ZBTB20: variants seen among roughly 807,000 people sequenced by gnomAD.
ZBTB20 encodes zinc finger and BTB domain containing 20, also known as zinc finger and BTB domain-containing protein 20.
ZBTB20 carries 9 observed loss-of-function variants against 56.9 expected under a neutral mutation model. That is an observed-to-expected ratio of 0.16 (90% CI 0.10 to 0.28). The LOEUF (loss-of-function observed/expected upper bound fraction) is 0.28. Among genes scored for constraint, ZBTB20 ranks in the 10% least tolerant of loss-of-function variants. ZBTB20 has a pLI of 1.00. For synonymous variants in ZBTB20, 417 were observed against 420.7 expected (o/e 0.99, Z 0.11); for missense variants, 655 against 1,003.0 (o/e 0.65, Z 4.69).
chr3:114,690,195 A>G (rs2062615864), intron 6 of ZBTB20, among the ~76,000 whole-genome samples: 1 of 151,794 alleles, frequency 6.6e-6, no homozygotes, highest in Admixed American at 6.6e-5. Context: ...AAACCCTCAT[A>G]TTTTTCTAGA....
At chr3:115,033,583 T>C (rs960719014) in intron 2 of ZBTB20, among the ~76,000 whole-genome samples, 1 of 151,722 alleles carries the variant, frequency 6.6e-6, no homozygotes, top group South Asian at 2.1e-4. Flanking sequence ...TTATATTTGT[T>C]GCAGCACTGT....
chr3:115,137,111 C>G (rs1389011900), intron 1 of ZBTB20, among the ~76,000 whole-genome samples: 1 of 151,958 alleles, frequency 6.6e-6, no homozygotes, highest in Admixed American at 6.6e-5. Context: ...GATTATTATA[C>G]TATACTTCTT....
chr3:115,123,585 G>C (rs2084242011), intron 1 of ZBTB20, among the ~76,000 whole-genome samples: 1 of 152,166 alleles, frequency 6.6e-6, no homozygotes, highest in Admixed American at 6.6e-5. Flanking sequence ...CACCTGAGAA[G>C]AGAAAATGGC....
rs1303359704 is a variant in ZBTB20 at position 114,335,014 on chromosome 3, A to T, written c.*3991T>A. Reference sequence around the variant, plus strand: ...GGGCCTTTTTTGTACAAATATTGGCATGTAATAAGGAAAAATTGCCCATGA... The same window carrying T: ...GGGCCTTTTTTGTACAAATATTGGCTTGTAATAAGGAAAAATTGCCCATGA... On this transcript the variant is annotated 3_prime_UTR_variant, in exon 12 of 12. Transcript: ENST00000675478. The T allele has an allele frequency of 6.6e-6, 1 of 152,100 alleles. No homozygotes were observed. The highest frequency in any genetic ancestry group is 1.9e-4 in the East Asian group (1 of 5,190). 9.4% of individuals were successfully genotyped at this position (152,100 alleles called of 1,614,324 possible). A position where few individuals can be genotyped will look rare whatever the true frequency, so the allele number is the denominator to read the frequency against.
chr3:114,579,002 T>C (rs2054373096), intron 6 of ZBTB20, among the ~76,000 whole-genome samples: 2 of 151,828 alleles, frequency 1.3e-5, no homozygotes, highest in Admixed American at 6.5e-5. Context: ...ACTTAATAGG[T>C]AATTAAAAGA....
intron 3 of ZBTB20, among the ~76,000 whole-genome samples, chr3:114,952,127 A>C (rs915951128): frequency 6.6e-6 from 1 of 152,094 alleles, no homozygotes; most frequent in South Asian, 2.1e-4. Context: ...GAGAAGAAAG[A>C]GTGTGCTATG....
chr3:114,370,772 T>A (rs1032696602), intron 10 of ZBTB20, among the ~76,000 whole-genome samples: 1 of 152,212 alleles, frequency 6.6e-6, no homozygotes, highest in Non-Finnish European at 1.5e-5. Context: ...GTGTTAGTTG[T>A]CTCCACTGGG....
At chr3:114,450,690 A>C (rs566750437) in intron 7 of ZBTB20, among the ~76,000 whole-genome samples, 1 of 152,170 alleles carries the variant, frequency 6.6e-6, no homozygotes, top group Admixed American at 6.6e-5. Flanking sequence ...TATGTAGATA[A>C]GAATAATGTG....
At chr3:114,771,618 T>C (rs561934819) in intron 5 of ZBTB20, among the ~76,000 whole-genome samples, 2 of 152,326 alleles carry the variant, frequency 1.3e-5, no homozygotes, top group Middle Eastern at 3.4e-3. Flanking sequence ...GAAATTATAA[T>C]CTAGTGGATT....
chr3:114,724,102 T>C (rs1234696093), intron 5 of ZBTB20, among the ~76,000 whole-genome samples: 1 of 151,988 alleles, frequency 6.6e-6, no homozygotes, highest in Non-Finnish European at 1.5e-5. Flanking sequence ...CTCGATCTCC[T>C]GACCTCATGA....
At chr3:114,943,899 G>T (rs912712858) in intron 3 of ZBTB20, among the ~76,000 whole-genome samples, 1 of 82,266 alleles carries the variant, frequency 1.2e-5, no homozygotes, top group African/African-American at 5.9e-5. Flanking sequence ...TAAACACAAA[G>T]AAACCAACTA....
chr3:114,810,970 A>G (rs2072477179), intron 4 of ZBTB20, among the ~76,000 whole-genome samples: 2 of 152,314 alleles, frequency 1.3e-5, no homozygotes, highest in East Asian at 3.9e-4. Flanking sequence ...TAAGGTTACC[A>G]AAATTCTCCC....
chr3:114,685,463 C>T (rs1029055905), intron 6 of ZBTB20, among the ~76,000 whole-genome samples: 38 of 152,176 alleles, frequency 2.5e-4, no homozygotes, highest in Non-Finnish European at 5.9e-5. Flanking sequence ...GTGAAGCAGC[C>T]CTCGGCAGGT....
At chr3:114,810,768 T>A (rs1277067531) in intron 4 of ZBTB20, among the ~76,000 whole-genome samples, 1 of 152,166 alleles carries the variant, frequency 6.6e-6, no homozygotes, top group Non-Finnish European at 1.5e-5. Flanking sequence ...AATGCAGGAA[T>A]CAGGGGCCTA....
At chr3:114,343,903 G>A (rs1024963485) in intron 11 of ZBTB20, among the ~76,000 whole-genome samples, 4 of 152,162 alleles carry the variant, frequency 2.6e-5, no homozygotes, top group Non-Finnish European at 2.9e-5. Context: ...CAAAAAATTA[G>A]CTGGGCATGG....
chr3:114,601,968 T>C (rs2056792276), intron 6 of ZBTB20, among the ~76,000 whole-genome samples: 1 of 152,038 alleles, frequency 6.6e-6, no homozygotes, highest in Non-Finnish European at 1.5e-5. Flanking sequence ...GCTTTCATAA[T>C]TTAAGTAATG....
At chr3:114,720,765 T>C (rs1194524021) in intron 5 of ZBTB20, among the ~76,000 whole-genome samples, 1 of 152,220 alleles carries the variant, frequency 6.6e-6, no homozygotes, top group Non-Finnish European at 1.5e-5. Flanking sequence ...TTTTCTTTGA[T>C]AGATGCTATT....
chr3:114,656,443 G>T (rs1052776808), intron 6 of ZBTB20, among the ~76,000 whole-genome samples: 1 of 151,884 alleles, frequency 6.6e-6, no homozygotes, highest in Non-Finnish European at 1.5e-5. Context: ...GTTCTTTTTA[G>T]TAATTTCATT....
rs1276609902 is a variant in ZBTB20 at position 114,332,447 on chromosome 3, T to A, written c.*6558A>T. On this transcript the variant is annotated 3_prime_UTR_variant, in exon 12 of 12. Transcript: ENST00000675478. ...GCACCTGTGATTGCATTTTATAGGA[T>A]TCTATTTAGTAATATGATGTCTATT... is the stretch of plus-strand genomic sequence containing the variant. 6 of 152,350 alleles carry A rather than the reference T, an allele frequency of 3.9e-5. No homozygotes were observed. The highest frequency in any genetic ancestry group is 3.9e-4 in the Admixed American group (6 of 15,308). The allele number at this position is 152,350 out of a possible 1,614,324, so 9.4% of individuals were successfully genotyped here. A position where few individuals can be genotyped will look rare whatever the true frequency, so the allele number is the denominator to read the frequency against.
Sources: allele counts gnomAD v4.1 joint callset (sites outside exome capture counted in the v4.1 genomes callset), GRCh38; gene constraint gnomAD v4.1.1; transcripts MANE v1.5; gene names NCBI Gene and HGNC (gene_info 2026-07-23, HGNC 2026-07-21).